Variants in TADA2A observed in about 807,000 individuals in gnomAD.
TADA2A encodes the protein transcriptional adapter 2-alpha.
A neutral mutation model predicts 67.4 loss-of-function variants in TADA2A; 38 were observed. That is an observed-to-expected ratio of 0.56 (90% CI 0.44 to 0.74). The LOEUF (loss-of-function observed/expected upper bound fraction) is 0.74. Among genes scored for constraint, TADA2A ranks in the 30% least tolerant of loss-of-function variants. TADA2A has a pLI of 0.00. For synonymous variants in TADA2A, 192 were observed against 181.6 expected, an observed-to-expected ratio of 1.06 and a Z score of -0.46; for missense variants, 454 against 547.0, an observed-to-expected ratio of 0.83 and a Z score of 1.70.
At chr17:37,432,794 A>T (rs768325935) in intron 4 of TADA2A, among the ~76,000 whole-genome samples, 1 of 152,184 alleles carries the variant, frequency 6.6e-6, no homozygotes, top group Non-Finnish European at 1.5e-5. Flanking sequence ...CAAAGCATTT[A>T]TATCATTTTA....
rs1047582315 is a variant in TADA2A at position 37,467,328 on chromosome 17, G to A, written c.824-126G>A. 12 of 705,502 alleles carry A rather than the reference G, an allele frequency of 1.7e-5. No homozygotes were observed. The African/African-American group carries it at 2.0e-4, about 12-fold the overall frequency. 43.7% of individuals were successfully genotyped at this position (705,502 alleles called of 1,614,324 possible). A position where few individuals can be genotyped will look rare whatever the true frequency, so the allele number is the denominator to read the frequency against. On this transcript the variant is annotated intron_variant, in intron 11 of 15. Transcript: ENST00000615182. Reference sequence around the variant, plus strand: ...CTAATGAGAAGTTACCAACGAGTAGGATTCTCCAAATGAACTTCCCTAGTC... The same window carrying A: ...CTAATGAGAAGTTACCAACGAGTAGAATTCTCCAAATGAACTTCCCTAGTC...
intron 9 of TADA2A, among the ~76,000 whole-genome samples, chr17:37,459,062 C>T (rs1422947488): frequency 6.6e-6 from 1 of 151,976 alleles, no homozygotes; most frequent in Non-Finnish European, 1.5e-5. Flanking sequence ...AGACTCTTAC[C>T]CTCCTTAGAC....
chr17:37,470,825 G>T (rs1309290652), intron 13 of TADA2A, among the ~76,000 whole-genome samples: 2 of 152,010 alleles, frequency 1.3e-5, no homozygotes, highest in Non-Finnish European at 2.9e-5. Context: ...TTTCACTGGG[G>T]AATCATGTTT....
chr17:37,432,165 T>C (rs140931335), intron 4 of TADA2A, among the ~76,000 whole-genome samples: 2 of 141,836 alleles, frequency 1.4e-5, no homozygotes, highest in African/African-American at 5.2e-5. Flanking sequence ...CTTTTTTATT[T>C]ATTTATTTAT....
intron 2 of TADA2A, among the ~76,000 whole-genome samples, chr17:37,419,085 A>G (rs2052148552): frequency 6.8e-6 from 1 of 146,066 alleles, no homozygotes; most frequent in Non-Finnish European, 1.5e-5. Context: ...TTGGAAAAAT[A>G]TTTTTCAAAA....
At chr17:37,468,025 T>C (rs577992266) in intron 12 of TADA2A, among the ~76,000 whole-genome samples, 1 of 151,318 alleles carries the variant, frequency 6.6e-6, no homozygotes, top group South Asian at 2.1e-4. Context: ...GTTGTTGTAG[T>C]GAGCCAAGAT....
At position 37,455,875 on chromosome 17, in the gene TADA2A, T is replaced by C. The variant is rs529457849; in HGVS notation, c.605-2649T>C. Among the ~76,000 whole-genome samples, 3 of 152,136 alleles carry C rather than the reference T, an allele frequency of 2.0e-5. No homozygotes were observed. The South Asian group carries it at 6.2e-4, about 32-fold the overall frequency. ...GTGATCTTGGGCCATTTGTTTTGTA[T>C]GCATGGTGTATAGGGCATATGCGGG... On this transcript the variant is annotated intron_variant, in intron 8 of 15. Transcript: ENST00000615182.
chr17:37,442,741 C>G, intron 7 of TADA2A, 89 bp downstream of exon 7: 2 of 1,220,366 alleles, frequency 1.6e-6, no homozygotes, highest in Non-Finnish European at 2.3e-6. Context: ...TTCCATACCA[C>G]TAAAAGGAGA....
rs143836210 is a variant in TADA2A, at chr17:37,423,535, C to A, written c.52C>A (p.Arg18=). ...SNDPSDKPPC[R]GCSSYLMEPY... is the part of the protein sequence containing the mutation. ...TGATCCCTCTGATAAGCCACCTTGC[C>A]GAGGCTGCTCCTCCTACCTCATGGA... Residue 18 remains arginine (R), a synonymous_variant, in exon 3 of 16, where the codon CGA becomes AGA. Coordinates refer to ENST00000615182, the MANE Select transcript of TADA2A (RefSeq NM_001166105.3). 1.1e-4 allele frequency: 174 copies of A among 1,612,288 alleles called. No homozygotes were observed. The highest frequency in any genetic ancestry group is 1.4e-4 in the Non-Finnish European group (168 of 1,179,666).
rs1568156538 is a variant in TADA2A, at chr17:37,440,663, G to C, written c.442+1G>C. 6.2e-7 allele frequency: 1 copy of C among 1,614,128 alleles called. No individual in the cohort carries two copies. Among genetic ancestry groups the C allele is most frequent in the Non-Finnish European group, 8.5e-7 (1 of 1,180,016 alleles). Reference sequence around the variant, plus strand: ...GCTGACACAGCCATTCCATTTCACTGTAAGTGCCTCCCTATCTTGATAAGA... The same window carrying C: ...GCTGACACAGCCATTCCATTTCACTCTAAGTGCCTCCCTATCTTGATAAGA... On this transcript the variant is annotated splice_donor_variant, in intron 6 of 15. Transcript: ENST00000615182. LOFTEE classifies it high-confidence loss of function.
intron 4 of TADA2A, among the ~76,000 whole-genome samples, chr17:37,435,674 G>C (rs986143706): frequency 6.6e-6 from 1 of 152,014 alleles, no homozygotes; most frequent in Non-Finnish European, 1.5e-5. Context: ...CTACCTCCCG[G>C]GTTCAAGCGA....
At chr17:37,431,739 T>C (rs2052574903) in intron 4 of TADA2A, among the ~76,000 whole-genome samples, 1 of 152,018 alleles carries the variant, frequency 6.6e-6, no homozygotes, top group Admixed American at 6.6e-5. Flanking sequence ...CGTGCCCGGC[T>C]AATTTTTGTA....
At chr17:37,448,701 C>T (rs1204561294) in intron 8 of TADA2A, among the ~76,000 whole-genome samples, 1 of 152,094 alleles carries the variant, frequency 6.6e-6, no homozygotes, top group African/African-American at 2.4e-5. Flanking sequence ...CATTGTTGCC[C>T]CATAACCCAG....
chr17:37,440,413 A>G, intron 5 of TADA2A, 92 bp from the exon 6 acceptor site: 3 of 1,405,986 alleles, frequency 2.1e-6, no homozygotes, highest in South Asian at 1.4e-5. Flanking sequence ...TATTATATGG[A>G]TGTGACTTAA....
At chr17:37,471,014 T>C in intron 13 of TADA2A, 80 bp from the exon 14 acceptor site, 1 of 1,412,556 alleles carries the variant, frequency 7.1e-7, no homozygotes, top group Admixed American at 1.7e-5. Flanking sequence ...ACCTGATAAA[T>C]GGCACCCAGT....
At chr17:37,410,337 T>C (rs1203552247) in intron 1 of TADA2A, among the ~76,000 whole-genome samples, 1 of 126,246 alleles carries the variant, frequency 7.9e-6, no homozygotes, top group Non-Finnish European at 1.6e-5. Flanking sequence ...TGTACCCGGC[T>C]AACTTTTTTT....
intron 4 of TADA2A, among the ~76,000 whole-genome samples, chr17:37,431,141 TA>T (rs1199812719): frequency 6.6e-6 from 1 of 152,148 alleles, no homozygotes; most frequent in Non-Finnish European, 1.5e-5. Flanking sequence ...ATTTTTTTTT[TA>T]CTTGTTATTA....
chr17:37,441,126 T>C (rs1193530077), intron 6 of TADA2A, among the ~76,000 whole-genome samples: 1 of 150,964 alleles, frequency 6.6e-6, no homozygotes, highest in Non-Finnish European at 1.5e-5. Context: ...GTCAGGATTA[T>C]AATGTGGCAA....
intron 4 of TADA2A, among the ~76,000 whole-genome samples, chr17:37,431,846 G>A (rs1222944291): frequency 6.6e-6 from 1 of 152,108 alleles, no homozygotes; most frequent in East Asian, 1.9e-4. Context: ...GATGACAAGC[G>A]TGAGCTACTG....
Sources: allele counts gnomAD v4.1 joint callset (sites outside exome capture counted in the v4.1 genomes callset), GRCh38; gene constraint gnomAD v4.1.1; transcripts MANE v1.5; gene names NCBI Gene and HGNC (gene_info 2026-07-23, HGNC 2026-07-21).